Variants in CPAMD8 observed in about 807,000 individuals in gnomAD.
The protein encoded by CPAMD8 is C3 and PZP-like alpha-2-macroglobulin domain-containing protein 8.
A neutral mutation model predicts 224.7 loss-of-function variants in CPAMD8; 146 were observed. That is an observed-to-expected ratio of 0.65 (90% CI 0.57 to 0.75). The LOEUF is 0.75. Ranked by LOEUF, CPAMD8 falls within the 30% of genes least tolerant of loss-of-function variation. CPAMD8 has a pLI of 0.00. For synonymous variants in CPAMD8, 966 were observed against 1,044.6 expected, an observed-to-expected ratio of 0.92 and a Z score of 1.45; for missense variants, 2,301 against 2,537.5, an observed-to-expected ratio of 0.91 and a Z score of 2.00.
intron 30 of CPAMD8, among the ~76,000 whole-genome samples, chr19:16,906,224 AT>A (rs1197470861): frequency 2.6e-5 from 4 of 152,236 alleles, no homozygotes; most frequent in African/African-American, 9.6e-5. Context: ...CAACAAAGCA[AT>A]TGACAAGCAA....
At chr19:16,903,109 C>T (rs706765) in intron 34 of CPAMD8, among the ~76,000 whole-genome samples, 41,755 of 151,980 alleles carry the variant, frequency 0.27, 5,850 homozygotes, top group South Asian at 0.32. Flanking sequence ...ATGTCTGAGT[C>T]TAGGGGTCTC....
At position 16,896,515 on chromosome 19, in the gene CPAMD8, T is replaced by C. The variant is rs1221781126; in HGVS notation, c.5216A>G (p.Glu1739Gly). ...VVYASACRLR[E>G]AACRQAAPLE... is the part of the protein sequence containing the mutation. The stretch of plus-strand genomic sequence containing the variant: ...GGGCGCGGCCTGGCGGCAGGCGGCC[T>C]CCCGCAGGCGGCAGGCGCTGGCGTA... The change falls in exon 40 of 42, where the codon GAG (glutamate) becomes GGG (glycine). Residue 1739 changes from glutamate (E) to glycine (G), a missense_variant. Transcript: ENST00000443236. 1.4e-6 allele frequency: 2 copies of C among 1,431,718 alleles called. No homozygotes were observed. Among genetic ancestry groups the C allele is most frequent in the South Asian group, 1.5e-5 (1 of 67,082 alleles). The allele number at this position is 1,431,718 out of a possible 1,614,324, so 88.7% of individuals were successfully genotyped here.
In CPAMD8 at chr19:16,902,818, A is replaced by ATG; in HGVS notation, c.4515_4516insCA (p.Phe1506HisfsTer6). The ATG allele has an allele frequency of 6.4e-7, 1 of 1,565,526 alleles. No homozygotes were observed. The highest frequency in any genetic ancestry group is 8.7e-7 in the Non-Finnish European group (1 of 1,152,564). On this transcript the variant is annotated frameshift_variant, in exon 35 of 42. Transcript: ENST00000443236. LOFTEE classifies it high-confidence loss of function. ...TCCTGGAGGCTTACGAGCAGCTGGA[A>ATG]AGCTGGCTTGGCCACCGGGTCAGGC...
rs769642331 is a variant in CPAMD8 at position 16,903,539 on chromosome 19, C to T, written c.4470+22G>A. The stretch of plus-strand genomic sequence containing the variant: ...CACAGGAGGACAAGCCCAAGATCAC[C>T]TCGTGCTCCCCAAAACCTCACCTGC... On this transcript the variant is annotated intron_variant, in intron 34 of 41. Coordinates refer to ENST00000443236, the MANE Select transcript of CPAMD8 (RefSeq NM_015692.5). 3 of 1,613,902 alleles carry T rather than the reference C, an allele frequency of 1.9e-6. No homozygotes were observed. The South Asian group carries it at 3.3e-5, about 18-fold the overall frequency.
At chr19:16,998,123 T>C (rs980835095) in intron 10 of CPAMD8, among the ~76,000 whole-genome samples, 1 of 151,890 alleles carries the variant, frequency 6.6e-6, no homozygotes, top group Non-Finnish European at 1.5e-5. Flanking sequence ...ATGGGAAAGG[T>C]AGGGGTTTAT....
chr19:16,955,270 G>A (rs2054432294), intron 19 of CPAMD8, among the ~76,000 whole-genome samples: 1 of 150,962 alleles, frequency 6.6e-6, no homozygotes, highest in Non-Finnish European at 1.5e-5. Context: ...ACTCCAGCCT[G>A]GTGACAGAGC....
intron 36 of CPAMD8, among the ~76,000 whole-genome samples, chr19:16,900,937 G>C (rs2052228015): frequency 6.6e-6 from 1 of 151,750 alleles, no homozygotes; most frequent in African/African-American, 2.4e-5. Context: ...ACTTGAGCCT[G>C]GAAGTTCAAG....
chr19:16,904,110 G>T, intron 32 of CPAMD8, 116 bp downstream of exon 32: 1 of 1,187,058 alleles, frequency 8.4e-7, no homozygotes, highest in South Asian at 1.5e-5. Flanking sequence ...CCTCTTTGGG[G>T]CTCCATAAGG....
chr19:16,994,518 T>TC (rs1261411104), intron 11 of CPAMD8, among the ~76,000 whole-genome samples: 4 of 143,578 alleles, frequency 2.8e-5, no homozygotes, highest in Admixed American at 6.9e-5. Context: ...CCACTCCCTT[T>TC]TTTTTTTTTT....
In CPAMD8 at chr19:16,952,067, G is replaced by A; in HGVS notation, c.2410C>T (p.Pro804Ser). The A allele has an allele frequency of 6.4e-7, 1 of 1,570,890 alleles. No individual in the cohort carries two copies. The stretch of plus-strand genomic sequence containing the variant: ...GGGAGCATGAAGTCCACGAAGAAGG[G>A]CTTGAAGGTCTTCAGCAGGGAGGGC... The part of the protein sequence containing the change: ...AEPSLLKTFK[P>S]FFVDFMLPAL... Residue 804 changes from proline (P) to serine (S), a missense_variant, in exon 20 of 42, where the codon CCC becomes TCC. Around this residue, in one of 4 missense-constraint regions of CPAMD8, gnomAD observed 1,709 missense variants for 1,753.2 expected, o/e 0.97. Coordinates refer to ENST00000443236, the MANE Select transcript of CPAMD8 (RefSeq NM_015692.5).
At chr19:16,903,475 G>T in intron 34 of CPAMD8, 86 bp downstream of exon 34, 2 of 1,582,380 alleles carry the variant, frequency 1.3e-6, no homozygotes, top group Non-Finnish European at 8.6e-7. Flanking sequence ...ACCCTCTGGG[G>T]GTCCCTGGGG....
At chr19:16,897,843 G>A (rs1238490736) in intron 38 of CPAMD8, 42 bp from the exon 39 acceptor site, 4 of 1,576,372 alleles carry the variant, frequency 2.5e-6, no homozygotes. Flanking sequence ...CAGGCGCGAC[G>A]GGTCAGGGAC....
intron 18 of CPAMD8, among the ~76,000 whole-genome samples, chr19:16,966,905 T>G (rs1166116543): frequency 6.6e-6 from 1 of 152,162 alleles, no homozygotes; most frequent in Admixed American, 6.6e-5. Flanking sequence ...TGTAAATTAG[T>G]TCAACCATTG....
intron 7 of CPAMD8, among the ~76,000 whole-genome samples, chr19:17,008,258 T>G (rs1169122663): frequency 6.6e-6 from 1 of 152,158 alleles, no homozygotes; most frequent in South Asian, 2.1e-4. Context: ...GTCCTGGGCA[T>G]AGAGAAACGT....
intron 16 of CPAMD8, among the ~76,000 whole-genome samples, chr19:16,975,622 C>T (rs1181148289): frequency 2.0e-5 from 3 of 152,076 alleles, no homozygotes; most frequent in Admixed American, 6.6e-5. Context: ...GTGGGAGGAT[C>T]GTTTAAGCCC....
At chr19:17,011,387 C>T in intron 5 of CPAMD8, 77 bp downstream of exon 5, 9 of 1,467,592 alleles carry the variant, frequency 6.1e-6, no homozygotes, top group South Asian at 2.3e-5. Flanking sequence ...GAGAAAGACC[C>T]GTTTCCGATG....
chr19:16,965,763 T>C (rs532300142), intron 18 of CPAMD8, among the ~76,000 whole-genome samples: 20 of 151,932 alleles, frequency 1.3e-4, no homozygotes, highest in Admixed American at 2.6e-4. Context: ...GATAATAAAA[T>C]ACCTAGGAAT....
In CPAMD8 at chr19:16,976,966, C is replaced by A. The variant is rs185934816; in HGVS notation, c.1758+402G>T. Among the ~76,000 whole-genome samples the A allele has an allele frequency of 2.3e-3, 355 of 152,088 alleles. 1 individual carries two copies. Among genetic ancestry groups the A allele is most frequent in the African/African-American group, 8.0e-3 (332 of 41,514 alleles). On this transcript the variant is annotated intron_variant, in intron 15 of 41. Transcript: ENST00000443236. The stretch of plus-strand genomic sequence containing the variant: ...CTGAGGCCGGAGAATTGCTTGAACC[C>A]GGGAGGCAGAGGTTGCAGTGAGCCG...
intron 29 of CPAMD8, among the ~76,000 whole-genome samples, chr19:16,909,475 C>T (rs1489357980): frequency 2.0e-5 from 3 of 151,988 alleles, no homozygotes; most frequent in African/African-American, 4.8e-5. Context: ...ACCTGGGAGG[C>T]GGAGCTTGCA....
Sources: gnomAD v4.1 joint callset for allele counts (sites outside exome capture counted in the v4.1 genomes callset) on GRCh38, gnomAD v4.1.1 for gene constraint, gnomAD v4.1.1 regional missense constraint, MANE v1.5 for transcripts, NCBI Gene and HGNC (gene_info 2026-07-23, HGNC 2026-07-21) for gene names.